SNED1: variants seen among roughly 807,000 people sequenced by gnomAD.
SNED1 encodes sushi, nidogen and EGF like domains 1, also known as sushi, nidogen and EGF-like domain-containing protein 1.
A neutral mutation model predicts 166.7 loss-of-function variants in SNED1; 81 were observed. The ratio of observed to expected loss-of-function variants is 0.49; its 90% CI spans 0.41 to 0.58. The LOEUF (loss-of-function observed/expected upper bound fraction) is 0.58. Ranked by LOEUF, SNED1 falls within the 20% of genes least tolerant of loss-of-function variation. The pLI is 0.00. For synonymous variants in SNED1, 762 were observed against 822.0 expected (o/e 0.93, Z 1.25); for missense variants, 1,604 against 2,000.2 (o/e 0.80, Z 3.78).
intron 1 of SNED1, among the ~76,000 whole-genome samples, chr2:241,022,310 G>T (rs553715402): frequency 2.3e-4 from 35 of 152,256 alleles, no homozygotes; most frequent in Non-Finnish European, 4.4e-4. Context: ...ATAATCCAAG[G>T]TCACAAAGAT....
chr2:241,042,447 A>C (rs1574966508), intron 8 of SNED1, among the ~76,000 whole-genome samples: 2 of 152,204 alleles, frequency 1.3e-5, no homozygotes, highest in South Asian at 4.1e-4. Context: ...ACTCCTCAAC[A>C]GGAGTATATC....
Position 241,082,304 on chromosome 2 carries a change from C to G in SNED1, c.4061C>G (p.Thr1354Arg). Residue 1354 changes from threonine to arginine, a missense_variant, in exon 29 of 32, where the codon ACA (threonine) becomes AGA (arginine). This residue lies in a region of SNED1 where 367 missense variants were observed against 379.4 expected (regional missense o/e 0.97). Transcript: ENST00000310397. ...TGTATAAAGGTGTCCCGCCCCTGCA[C>G]AAGGCTGTTCTCCGAGACAAAGGCC... Reference protein sequence around the residue: ...LACIKVSRPCTRLFSETKAFP... With the variant: ...LACIKVSRPCRRLFSETKAFP... 6.2e-7 allele frequency: 1 copy of G among 1,613,558 alleles called. No individual in the cohort carries two copies. The highest frequency in any genetic ancestry group is 8.5e-7 in the Non-Finnish European group (1 of 1,179,488).
At chr2:241,012,342 G>A (rs572840929) in intron 1 of SNED1, among the ~76,000 whole-genome samples, 5 of 152,140 alleles carry the variant, frequency 3.3e-5, no homozygotes, top group Non-Finnish European at 5.9e-5. Context: ...AAGATCAAAC[G>A]TAACGCAAAC....
chr2:241,078,439 C>T (rs1320224736), intron 27 of SNED1, among the ~76,000 whole-genome samples: 1 of 151,136 alleles, frequency 6.6e-6, no homozygotes, highest in Non-Finnish European at 1.5e-5. Context: ...ATGGTATATC[C>T]ACTCAATGGA....
chr2:241,064,158 C>G lies in SNED1; in HGVS notation c.2599+33C>G, dbSNP rs1007613568. 2 of 1,383,372 alleles carry G rather than the reference C, an allele frequency of 1.4e-6. No individual in the cohort carries two copies. Among genetic ancestry groups the G allele is most frequent in the Non-Finnish European group, 9.8e-7 (1 of 1,025,560 alleles). The allele number at this position is 1,383,372 out of a possible 1,614,324, so 85.7% of individuals were successfully genotyped here. A position where few individuals can be genotyped will look rare whatever the true frequency, so the allele number is the denominator to read the frequency against. On this transcript the variant is annotated intron_variant, in intron 19 of 31. Transcript: ENST00000310397. This position sits in a 1 kb window ranked among gnomAD's most constrained non-coding sequence, Gnocchi z 7.0. ...GGCAGGCCTGCCTGCTCCCCGCCCT[C>G]TGCCCGCCTGCTCCCCGCCCTCTGC...
chr2:241,036,464 G>A (rs1298054212), intron 4 of SNED1, among the ~76,000 whole-genome samples: 1 of 152,120 alleles, frequency 6.6e-6, no homozygotes, highest in Non-Finnish European at 1.5e-5. Context: ...CTGGAGGGGA[G>A]GCGGAGTGTG....
intron 20 of SNED1, 79 bp from the exon 21 acceptor site, chr2:241,065,220 T>A: frequency 6.8e-7 from 1 of 1,477,990 alleles, no homozygotes; most frequent in African/African-American, 1.4e-5. Flanking sequence ...CAGACCCGGC[T>A]GAGCCGCCGA....
intron 17 of SNED1, 73 bp from the exon 18 acceptor site, chr2:241,063,514 C>G: frequency 2.1e-6 from 2 of 960,408 alleles, no homozygotes; most frequent in Non-Finnish European, 1.6e-6. Context: ...CCAGGAAATG[C>G]ACGGAATCCT....
Position 241,089,307 on chromosome 2 carries a change from G to A in SNED1, c.*1+905G>A, listed in dbSNP as rs1355505809. On this transcript the variant is annotated intron_variant, in intron 31 of 31. Transcript: ENST00000310397. ...AGTTCATCTTCCTGGTGGCGCAGAT[G>A]AGTGAGGCACCCTTGGGTAACAAGC... 16 of 1,550,206 alleles carry A rather than the reference G, an allele frequency of 1.0e-5. No individual in the cohort carries two copies. The East Asian group carries it at 3.4e-4, about 33-fold the overall frequency.
intron 29 of SNED1, 188 bp from the exon 30 acceptor site, chr2:241,087,204 A>G (rs2063627649): frequency 1.7e-6 from 1 of 581,240 alleles, no homozygotes; most frequent in South Asian, 2.4e-5. Flanking sequence ...CAATAAATTT[A>G]TTACAAATCA....
chr2:241,065,689 C>T (rs1161388015), intron 21 of SNED1, 94 bp downstream of exon 21: 17 of 1,084,962 alleles, frequency 1.6e-5, no homozygotes, highest in Non-Finnish European at 5.3e-6. Context: ...TCATGCCGTC[C>T]ACCCTCCTAG....
At chr2:240,998,523 G>A (rs1574815233), upstream of SNED1, among the ~76,000 whole-genome samples, 1 of 151,744 alleles carries the variant, frequency 6.6e-6, no homozygotes, top group East Asian at 1.9e-4. Flanking sequence ...CTCCCACGGG[G>A]CCTGGCGCTT....
intron 1 of SNED1, among the ~76,000 whole-genome samples, chr2:241,024,264 T>TTTTTTTTTTTTTTTTA (rs2060871972): frequency 1.1e-4 from 13 of 121,840 alleles, no homozygotes; most frequent in African/African-American, 3.8e-4. Flanking sequence ...TTTTTTTTTT[T>TTTTTTTTTTTTTTTTA]AGACAGAGTC....
intron 1 of SNED1, among the ~76,000 whole-genome samples, chr2:241,003,528 A>G (rs2060134189): frequency 6.6e-6 from 1 of 152,226 alleles, no homozygotes; most frequent in South Asian, 2.1e-4. Flanking sequence ...CTTCCCTGAC[A>G]GGGTGAGCCT....
intron 8 of SNED1, among the ~76,000 whole-genome samples, chr2:241,041,621 G>A (rs1025431506): frequency 1.3e-5 from 2 of 152,124 alleles, no homozygotes; most frequent in African/African-American, 4.8e-5. Context: ...GGAGGCAGAG[G>A]TTGCAGTGAG....
intron 31 of SNED1, chr2:241,088,622 T>G: frequency 1.8e-6 from 1 of 555,484 alleles, no homozygotes; most frequent in Admixed American, 3.3e-5. Flanking sequence ...CAAATACACC[T>G]TCAGGTGGAA....
chr2:241,029,650 A>G (rs2061099972), intron 1 of SNED1, among the ~76,000 whole-genome samples: 1 of 152,262 alleles, frequency 6.6e-6, no homozygotes, highest in Non-Finnish European at 1.5e-5. Context: ...AGCCAGTGGC[A>G]TGGAGTGTGG....
chr2:241,095,343 C>G lies in SNED1; in HGVS notation c.*3707C>G, dbSNP rs2064345732. The stretch of plus-strand genomic sequence containing the variant: ...TGACATAAAAGCCAACTTCCCCAAA[C>G]AGGAAGGGCCTGTTCTTCACAAAGA... On this transcript the variant is annotated 3_prime_UTR_variant, in exon 32 of 32. Transcript: ENST00000310397. 1 of 152,918 alleles carries G rather than the reference C, an allele frequency of 6.5e-6. No homozygotes were observed. Among genetic ancestry groups the G allele is most frequent in the Non-Finnish European group, 1.5e-5 (1 of 68,304 alleles). 9.5% of individuals were successfully genotyped at this position (152,918 alleles called of 1,614,324 possible).
In SNED1 at chr2:241,040,174, C is replaced by G; in HGVS notation, c.1145C>G (p.Ala382Gly). 6.3e-7 allele frequency: 1 copy of G among 1,597,322 alleles called. No individual in the cohort carries two copies. Among genetic ancestry groups the G allele is most frequent in the Non-Finnish European group, 8.5e-7 (1 of 1,171,970 alleles). Residue 382 changes from alanine to glycine, a missense_variant, in exon 7 of 32, where the codon GCA becomes GGA. Physicochemically the swap from Ala to Gly is moderately conservative, Grantham distance 60 (BLOSUM62 0). This residue lies in a region of SNED1 where 1,237 missense variants were observed against 1,620.8 expected (regional missense o/e 0.76). Coordinates refer to ENST00000310397, the MANE Select transcript of SNED1 (RefSeq NM_001080437.3). ...GTGTGCCAGGCCGGATACACCGGAG[C>G]AGCCTGCGAGATGGGTGAGTGGCCT... is the stretch of plus-strand genomic sequence containing the variant. The part of the protein sequence containing the change: ...VCVCQAGYTG[A>G]ACEMDVDDCS...
Sources: allele counts gnomAD v4.1 joint callset (sites outside exome capture counted in the v4.1 genomes callset), GRCh38; gene constraint gnomAD v4.1.1; regional missense constraint gnomAD v4.1.1; non-coding constraint Gnocchi (gnomAD v3.1); transcripts MANE v1.5; gene names NCBI Gene and HGNC (gene_info 2026-07-23, HGNC 2026-07-21).